The following GPBP1L1 variants were observed in gnomAD, a reference collection of about 807,000 sequenced individuals.
GPBP1L1 encodes the protein vasculin-like protein 1.
Under a neutral mutation model 52.5 loss-of-function variants are expected in GPBP1L1, and 23 were observed. The ratio of observed to expected loss-of-function variants is 0.44; its 90% CI spans 0.32 to 0.62. GPBP1L1 has a LOEUF of 0.62. Among genes scored for constraint, GPBP1L1 ranks in the 20% least tolerant of loss-of-function variants. The pLI is 0.06. For synonymous variants in GPBP1L1, 243 were observed against 203.1 expected, an observed-to-expected ratio of 1.20 and a Z score of -1.67; for missense variants, 596 against 579.3, an observed-to-expected ratio of 1.03 and a Z score of -0.30.
intron 2 of GPBP1L1, among the ~76,000 whole-genome samples, chr1:45,665,539 G>T (rs964589585): frequency 6.6e-6 from 1 of 151,762 alleles, no homozygotes; most frequent in Admixed American, 6.6e-5. Flanking sequence ...TCACAAGTTC[G>T]AGACCAGCCC....
At chr1:45,658,365 A>G (rs1644908154) in intron 4 of GPBP1L1, among the ~76,000 whole-genome samples, 1 of 152,162 alleles carries the variant, frequency 6.6e-6, no homozygotes, top group African/African-American at 2.4e-5. Context: ...TGACCTCCAC[A>G]ATAGGTTAGC....
intron 2 of GPBP1L1, among the ~76,000 whole-genome samples, chr1:45,663,376 T>G (rs1644970262): frequency 6.6e-6 from 1 of 152,178 alleles, no homozygotes; most frequent in Non-Finnish European, 1.5e-5. Context: ...ACCTTCCGGT[T>G]TTCCAACTGA....
chr1:45,686,047 G>C lies in GPBP1L1; in HGVS notation c.-1143+365C>G, dbSNP rs115553842. ...AGCCCTTAGCTCTCATTTCAAGAAG[G>C]AAAGAAAAAAACCCGTAAGCCAAGT... On this transcript the variant is annotated intron_variant, in intron 1 of 12. Transcript: ENST00000355105. 3.3e-3 allele frequency among the ~76,000 whole-genome samples: 499 copies of C among 152,242 alleles called. 3 individuals carry two copies. Among genetic ancestry groups the C allele is most frequent in the African/African-American group, 0.011 (456 of 41,546 alleles).
rs779916534 is a variant in GPBP1L1 at position 45,628,328 on chromosome 1, G to A, written c.1353C>T (p.Cys451=). The change falls in exon 13 of 13, where the codon TGC becomes TGT. Residue 451 remains cysteine, a synonymous_variant. Coordinates refer to ENST00000355105, the MANE Select transcript of GPBP1L1 (RefSeq NM_021639.5). ...TGTCTGAGTCCTCAAACTCTGCTTT[G>A]CAAGTGCTTCTCCAAGGGGAGAACA... ...SSLFSPWRST[C]KAEFEDSDTE... is the part of the protein sequence containing the mutation. The A allele has an allele frequency of 3.7e-6, 6 of 1,614,056 alleles. No individual in the cohort carries two copies. The South Asian group carries it at 6.6e-5, about 18-fold the overall frequency.
intron 2 of GPBP1L1, among the ~76,000 whole-genome samples, chr1:45,670,164 A>C (rs547015822): frequency 1.6e-4 from 25 of 152,330 alleles, no homozygotes; most frequent in Admixed American, 5.9e-4. Context: ...ACCAAACTAC[A>C]TATGGCCAGA....
intron 2 of GPBP1L1, among the ~76,000 whole-genome samples, chr1:45,664,830 C>T (rs1644990577): frequency 6.6e-6 from 1 of 152,018 alleles, no homozygotes; most frequent in African/African-American, 2.4e-5. Flanking sequence ...AGGCACCCAC[C>T]ACCACACCCG....
At chr1:45,681,777 T>C (rs144383609) in intron 2 of GPBP1L1, among the ~76,000 whole-genome samples, 2 of 152,346 alleles carry the variant, frequency 1.3e-5, no homozygotes, top group Non-Finnish European at 2.9e-5. Context: ...TTTAAATAAT[T>C]CACTCAAAGT....
chr1:45,636,060 T>C (rs1440868993), intron 8 of GPBP1L1, among the ~76,000 whole-genome samples: 2 of 152,208 alleles, frequency 1.3e-5, no homozygotes, highest in Non-Finnish European at 2.9e-5. Context: ...CTTAGTTCCC[T>C]GCAATACTCA....
At chr1:45,666,281 G>A (rs1484094203) in intron 2 of GPBP1L1, among the ~76,000 whole-genome samples, 2 of 151,718 alleles carry the variant, frequency 1.3e-5, no homozygotes, top group Admixed American at 1.3e-4. Flanking sequence ...AAGTAGCTGG[G>A]ACTACAGGCG....
intron 10 of GPBP1L1, among the ~76,000 whole-genome samples, chr1:45,632,144 G>C (rs971136589): frequency 5.9e-5 from 9 of 152,210 alleles, no homozygotes; most frequent in Admixed American, 4.6e-4. Context: ...CTGTGTTCCA[G>C]AGTTATGGTC....
chr1:45,664,101 G>C (rs904746904), intron 2 of GPBP1L1, among the ~76,000 whole-genome samples: 1 of 152,074 alleles, frequency 6.6e-6, no homozygotes, highest in Non-Finnish European at 1.5e-5. Flanking sequence ...GGGAGGCCGA[G>C]GTGGGCGGAT....
In GPBP1L1 at chr1:45,641,379, G is replaced by A. The variant is rs556711844; in HGVS notation, c.551-976C>T. On this transcript the variant is annotated intron_variant, in intron 7 of 12. Transcript: ENST00000355105. ...CGCACCACTGCACTCTAGCCTGGGC[G>A]ACAGAGTGAGATTCTGTCTCAAAAA... 2.0e-4 allele frequency among the ~76,000 whole-genome samples: 31 copies of A among 151,248 alleles called. No homozygotes were observed. In the South Asian group the frequency reaches 3.4e-3, roughly 16 times the overall value.
rs1486771500 is a variant in GPBP1L1 at position 45,640,311 on chromosome 1, T to G, written c.643A>C (p.Thr215Pro). Residue 215 changes from threonine to proline, a missense_variant, in exon 8 of 13, where the codon ACC becomes CCC. Physicochemically the swap from Thr to Pro is conservative, Grantham distance 38. Transcript: ENST00000355105. ...DPAAAFSAAF[T>P]SPGSHHANGN... ...TTTGCATGGTGAGATCCTGGTGAGG[T>G]GAATGCAGCAGAGAAGGCAGCAGCA... 6.2e-7 allele frequency: 1 copy of G among 1,613,894 alleles called. No individual in the cohort carries two copies. The highest frequency in any genetic ancestry group is 8.5e-7 in the Non-Finnish European group (1 of 1,179,868).
chr1:45,644,275 T>G (rs565972622), intron 6 of GPBP1L1, among the ~76,000 whole-genome samples: 1 of 152,366 alleles, frequency 6.6e-6, no homozygotes, highest in East Asian at 1.9e-4. Context: ...GGTTGTTTCC[T>G]TGTTTCATTT....
In GPBP1L1 at chr1:45,634,360, T is replaced by C. The variant is rs1644568640; in HGVS notation, c.745-124A>G. On this transcript the variant is annotated intron_variant, in intron 8 of 12. Coordinates refer to ENST00000355105, the MANE Select transcript of GPBP1L1 (RefSeq NM_021639.5). ...ATAAGTTTCCAGGGCTTACCTGTCT[T>C]AACATGTTTGGGAAGTATGCAACCT... The C allele has an allele frequency of 8.0e-6, 8 of 998,462 alleles. No individual in the cohort carries two copies. The South Asian group carries it at 8.9e-5, about 11-fold the overall frequency. 61.9% of individuals were successfully genotyped at this position (998,462 alleles called of 1,614,324 possible).
At chr1:45,648,598 A>G (rs952578346) in intron 6 of GPBP1L1, among the ~76,000 whole-genome samples, 1 of 152,158 alleles carries the variant, frequency 6.6e-6, no homozygotes, top group African/African-American at 2.4e-5. Context: ...AGCCTCTTAT[A>G]TAGATTTTGG....
Position 45,628,185 on chromosome 1 carries a change from C to A in GPBP1L1, c.*71G>T. The A allele has an allele frequency of 1.4e-6, 2 of 1,391,414 alleles. No individual in the cohort carries two copies. Among genetic ancestry groups the A allele is most frequent in the Non-Finnish European group, 1.0e-6 (1 of 999,406 alleles). The allele number at this position is 1,391,414 out of a possible 1,614,324, so 86.2% of individuals were successfully genotyped here. A position where few individuals can be genotyped will look rare whatever the true frequency, so the allele number is the denominator to read the frequency against. ...CAACAACATAAGAAAAGGAAAAGAA[C>A]GATTTCTTTTGTATACTCCCTAAAC... is the stretch of plus-strand genomic sequence containing the variant. On this transcript the variant is annotated 3_prime_UTR_variant, in exon 13 of 13. Coordinates refer to ENST00000355105, the MANE Select transcript of GPBP1L1 (RefSeq NM_021639.5).
intron 8 of GPBP1L1, among the ~76,000 whole-genome samples, chr1:45,637,999 C>CA (rs1173489294): frequency 6.6e-6 from 1 of 152,190 alleles, no homozygotes; most frequent in Non-Finnish European, 1.5e-5. Context: ...CTGTCTATTC[C>CA]ATAGCCCGGC....
At chr1:45,651,268 C>CT (rs1365092309) in intron 6 of GPBP1L1, 1 of 405,478 alleles carries the variant, frequency 2.5e-6, no homozygotes, top group Non-Finnish European at 4.8e-6. Flanking sequence ...CCACTCTTGA[C>CT]TTCCCCTTGA....
Sources: allele counts gnomAD v4.1 joint callset (sites outside exome capture counted in the v4.1 genomes callset), GRCh38; gene constraint gnomAD v4.1.1; transcripts MANE v1.5; gene names NCBI Gene and HGNC (gene_info 2026-07-23, HGNC 2026-07-21).